The following CLEC20A variants were observed in gnomAD, a reference collection of about 807,000 sequenced individuals.
The protein encoded by CLEC20A is putative C-type lectin domain family 20 member A.
chr1:178,494,619 A>C (rs770002701), exon 2 of CLEC20A: 27 of 399,228 alleles, frequency 6.8e-5, no homozygotes, highest in Non-Finnish European at 1.1e-4. Context: ...CTCAGGCCAG[A>C]AGTGCTTGCG....
At chr1:178,499,315 C>A (rs926726662), upstream of CLEC20A, among the ~76,000 whole-genome samples, 4 of 152,284 alleles carry the variant, frequency 2.6e-5, no homozygotes, top group African/African-American at 9.6e-5. Flanking sequence ...TGGTTAATAT[C>A]GAGTGTCGAC....
Position 178,484,818 on chromosome 1 carries a change from C to T in CLEC20A, c.929-1536G>A, listed in dbSNP as rs1649093914. 2.0e-5 allele frequency: 3 copies of T among 152,188 alleles called. 1 individual carries two copies. The South Asian group carries it at 6.2e-4, about 32-fold the overall frequency. 9.4% of individuals were successfully genotyped at this position (152,188 alleles called of 1,614,324 possible). On this transcript the variant is annotated intron_variant, in intron 5 of 7. Transcript: ENST00000623247. Reference sequence around the variant, plus strand: ...TACTTCAGTTAACGTCACTTGTGAACAATGTAAAATCAATTCGCTGTCATG... The same window carrying T: ...TACTTCAGTTAACGTCACTTGTGAATAATGTAAAATCAATTCGCTGTCATG...
intron 5 of CLEC20A, among the ~76,000 whole-genome samples, chr1:178,486,070 C>G (rs1271913911): frequency 1.3e-5 from 2 of 152,202 alleles, no homozygotes; most frequent in African/African-American, 4.8e-5. Context: ...ACAGTAGGTA[C>G]TGGAGCCAAT....
At chr1:178,490,873 T>C (rs1380309086) in intron 3 of CLEC20A, among the ~76,000 whole-genome samples, 1 of 152,118 alleles carries the variant, frequency 6.6e-6, no homozygotes, top group Non-Finnish European at 1.5e-5. Flanking sequence ...GACAGAACAA[T>C]CTTGGTTTGG....
intron 2 of CLEC20A, 53 bp downstream of exon 2, chr1:178,494,400 CA>C: frequency 2.5e-6 from 1 of 399,574 alleles, no homozygotes; most frequent in Non-Finnish European, 4.4e-6. Flanking sequence ...GCCTGGGCAA[CA>C]GAGTGAGGCC....
At chr1:178,497,604 A>G (rs867542510), upstream of CLEC20A, among the ~76,000 whole-genome samples, 30 of 152,168 alleles carry the variant, frequency 2.0e-4, no homozygotes, top group African/African-American at 6.3e-4. Context: ...AGCTGCCCAC[A>G]CTTTGTTGAA....
At chr1:178,481,075 C>T (rs971956112) in intron 7 of CLEC20A, 2 of 152,170 alleles carry the variant, frequency 1.3e-5, no homozygotes, top group African/African-American at 2.4e-5. Context: ...GTACTGAAAG[C>T]TCTCCAGTCC....
At chr1:178,490,281 C>T (rs998329306) in exon 4 of CLEC20A, 2 of 398,580 alleles carry the variant, frequency 5.0e-6, no homozygotes, top group Non-Finnish European at 8.8e-6. Flanking sequence ...TTCAGTCTCA[C>T]TCATGATGGA....
chr1:178,479,460 G>T (rs1383786780), exon 8 of CLEC20A: 9 of 396,080 alleles, frequency 2.3e-5, no homozygotes, highest in Non-Finnish European at 3.6e-5. Flanking sequence ...GTTCTACTAG[G>T]GATTAAAAAA....
chr1:178,480,773 C>G (rs1022748814), intron 7 of CLEC20A: 1 of 151,826 alleles, frequency 6.6e-6, no homozygotes, highest in Non-Finnish European at 1.5e-5. Flanking sequence ...CAGAGCAAGA[C>G]TCCGTCTTAA....
intron 2 of CLEC20A, among the ~76,000 whole-genome samples, chr1:178,493,213 C>T (rs1169325763): frequency 6.6e-6 from 1 of 152,154 alleles, no homozygotes; most frequent in Non-Finnish European, 1.5e-5. Context: ...GCCATACGCA[C>T]ACCCCTCCCT....
upstream of CLEC20A, among the ~76,000 whole-genome samples, chr1:178,497,823 G>A (rs1260254608): frequency 1.3e-5 from 2 of 152,184 alleles, no homozygotes; most frequent in African/African-American, 4.8e-5. Context: ...AAGCAGATCG[G>A]GGAGGGAAGG....
intron 7 of CLEC20A, chr1:178,480,403 G>C (rs1648938126): frequency 6.6e-6 from 1 of 152,184 alleles, no homozygotes; most frequent in East Asian, 1.9e-4. Flanking sequence ...GAAGGTAGGT[G>C]GCTTCTGGTT....
chr1:178,495,342 T>C (rs1003374997), intron 1 of CLEC20A, among the ~76,000 whole-genome samples: 16 of 152,202 alleles, frequency 1.1e-4, no homozygotes, highest in African/African-American at 3.9e-4. Context: ...TCAAGTACCC[T>C]GGGCAGGCTC....
At chr1:178,479,276 C>T in exon 8 of CLEC20A, 1 of 273,134 alleles carries the variant, frequency 3.7e-6, no homozygotes, top group Non-Finnish European at 6.8e-6. Flanking sequence ...ATTTTAATTT[C>T]TTAATAGAAG....
exon 7 of CLEC20A, chr1:178,482,373 G>A: frequency 2.5e-6 from 1 of 398,608 alleles, no homozygotes; most frequent in Non-Finnish European, 4.4e-6. Flanking sequence ...GGTAAAGTCT[G>A]CTTTCAAGAT....
In CLEC20A at chr1:178,494,598, C is replaced by T. The variant is rs759986425; in HGVS notation, c.253G>A (p.Gly85Ser). Reference sequence around the variant, plus strand: ...CACTCCAGGGCTGTGAAGGTGGAGCCGCTGGACCATCTCAGGCCAGAAGTG... The same window carrying T: ...CACTCCAGGGCTGTGAAGGTGGAGCTGCTGGACCATCTCAGGCCAGAAGTG... Residue 85 changes from glycine to serine, a missense_variant, in exon 2 of 8, where the codon GGC becomes AGC. By Grantham distance (56) the Gly-to-Ser change is moderately conservative. Coordinates refer to ENST00000623247, the Ensembl canonical transcript of CLEC20A. 86 of 399,304 alleles carry T rather than the reference C, an allele frequency of 2.2e-4. No homozygotes were observed. The Middle Eastern group carries it at 3.8e-3, about 17-fold the overall frequency. The allele number at this position is 399,304 out of a possible 1,614,324, so 24.7% of individuals were successfully genotyped here. A position where few individuals can be genotyped will look rare whatever the true frequency, so the allele number is the denominator to read the frequency against.
At chr1:178,488,164 C>A (rs944602441) in intron 5 of CLEC20A, among the ~76,000 whole-genome samples, 1 of 152,202 alleles carries the variant, frequency 6.6e-6, no homozygotes, top group African/African-American at 2.4e-5. Flanking sequence ...ATCTTCCCCT[C>A]CACCTCCCCC....
intron 2 of CLEC20A, among the ~76,000 whole-genome samples, chr1:178,494,209 A>G (rs1649334204): frequency 6.6e-6 from 1 of 152,266 alleles, no homozygotes; most frequent in South Asian, 2.1e-4. Context: ...AGCCTGGGCA[A>G]CATAGCGAGA....
Sources: gnomAD v4.1 joint callset for allele counts (sites outside exome capture counted in the v4.1 genomes callset) on GRCh38, gnomAD v4.1.1 for gene constraint, MANE v1.5 for transcripts, NCBI Gene and HGNC (gene_info 2026-07-23, HGNC 2026-07-21) for gene names.